The following EPC2 variants were observed in gnomAD, a reference collection of about 807,000 sequenced individuals.
EPC2 encodes the protein enhancer of polycomb 2.
A neutral mutation model predicts 92.1 loss-of-function variants in EPC2; 14 were observed. The observed-to-expected ratio is 0.15, with a 90% CI of 0.10 to 0.24. EPC2 has a LOEUF of 0.24. Ranked by LOEUF, EPC2 falls within the 10% of genes least tolerant of loss-of-function variation. The pLI is 1.00. For synonymous variants in EPC2, 340 were observed against 334.7 expected, an observed-to-expected ratio of 1.02 and a Z score of -0.17; for missense variants, 755 against 971.5, an observed-to-expected ratio of 0.78 and a Z score of 2.96.
At chr2:148,663,176 G>GGT (rs1680974376) in intron 1 of EPC2, among the ~76,000 whole-genome samples, 1 of 146,380 alleles carries the variant, frequency 6.8e-6, no homozygotes, top group African/African-American at 2.5e-5. Flanking sequence ...TGCCTCAAAA[G>GGT]GTATCTACTG....
intron 10 of EPC2, among the ~76,000 whole-genome samples, chr2:148,773,681 T>G (rs1683570381): frequency 1.3e-5 from 2 of 152,168 alleles, no homozygotes; most frequent in South Asian, 4.2e-4. Context: ...AAATACATAA[T>G]GAAAAAAGTT....
At chr2:148,716,177 A>T (rs796698002) in intron 2 of EPC2, among the ~76,000 whole-genome samples, 6 of 152,302 alleles carry the variant, frequency 3.9e-5, no homozygotes, top group African/African-American at 1.4e-4. Flanking sequence ...ACCAAAGATA[A>T]TTTTACTTCC....
intron 1 of EPC2, among the ~76,000 whole-genome samples, chr2:148,658,156 A>G (rs1022781877): frequency 4.6e-5 from 7 of 152,116 alleles, no homozygotes; most frequent in African/African-American, 1.2e-4. Context: ...TTGTGTATTT[A>G]AAATACATTG....
At position 148,743,715 on chromosome 2, in the gene EPC2, C is replaced by G. The variant is rs1041845057; in HGVS notation, c.407C>G (p.Pro136Arg). 6.2e-7 allele frequency: 1 copy of G among 1,605,068 alleles called. No individual in the cohort carries two copies. The highest frequency in any genetic ancestry group is 8.5e-7 in the Non-Finnish European group (1 of 1,176,272). Residue 136 changes from proline (P) to arginine (R), a missense_variant, in exon 3 of 14, where the codon CCT (proline) becomes CGT (arginine). By Grantham distance (103) the Pro-to-Arg change is moderately radical. Coordinates refer to ENST00000258484, the MANE Select transcript of EPC2 (RefSeq NM_015630.4). ...NRLNRKMEIK[P>R]LQFEIMIDRL... is the part of the protein sequence containing the mutation. The stretch of plus-strand genomic sequence containing the variant: ...CTTAACAGAAAGATGGAAATTAAGC[C>G]TTTGCAATTTGAAATTATGATTGAC...
At chr2:148,703,088 T>C (rs1342796963) in intron 2 of EPC2, among the ~76,000 whole-genome samples, 1 of 152,258 alleles carries the variant, frequency 6.6e-6, no homozygotes, top group Non-Finnish European at 1.5e-5. Flanking sequence ...CAGGATTTTA[T>C]TTGTTCATCT....
At chr2:148,771,005 GCT>G in intron 9 of EPC2, 37 bp from the exon 10 acceptor site, 1 of 1,594,244 alleles carries the variant, frequency 6.3e-7, no homozygotes, top group Non-Finnish European at 8.5e-7. Flanking sequence ...AACATGTTCA[GCT>G]CTCTCAGTTA....
chr2:148,756,078 T>A (rs1480929040), intron 4 of EPC2, among the ~76,000 whole-genome samples: 1 of 152,248 alleles, frequency 6.6e-6, no homozygotes, highest in East Asian at 1.9e-4. Flanking sequence ...TGTTAAAATA[T>A]GTTTTCTGCT....
chr2:148,694,669 A>G (rs1681708593), intron 2 of EPC2, among the ~76,000 whole-genome samples: 1 of 152,134 alleles, frequency 6.6e-6, no homozygotes, highest in South Asian at 2.1e-4. Context: ...TCTTTATTTG[A>G]TCTCCTATTA....
chr2:148,659,788 A>T (rs1234315332), intron 1 of EPC2, among the ~76,000 whole-genome samples: 1 of 152,138 alleles, frequency 6.6e-6, no homozygotes, highest in Non-Finnish European at 1.5e-5. Flanking sequence ...AAACAGTGGC[A>T]TAAATAAAAG....
intron 4 of EPC2, among the ~76,000 whole-genome samples, chr2:148,755,945 T>A (rs1488004417): frequency 6.6e-6 from 1 of 152,216 alleles, no homozygotes; most frequent in African/African-American, 2.4e-5. Context: ...TAATTTCAGA[T>A]ATATTGCAAA....
chr2:148,722,873 A>G (rs779197883), intron 2 of EPC2, among the ~76,000 whole-genome samples: 2 of 152,218 alleles, frequency 1.3e-5, no homozygotes, highest in African/African-American at 2.4e-5. Context: ...CTTTGCAGCA[A>G]CATGGATGGA....
chr2:148,761,976 T>C, intron 5 of EPC2, 46 bp downstream of exon 5: 1 of 1,505,128 alleles, frequency 6.6e-7, no homozygotes, highest in East Asian at 2.5e-5. Context: ...CTTTACCAAA[T>C]GATGGGCAAA....
chr2:148,720,989 T>C (rs1284729105), intron 2 of EPC2, among the ~76,000 whole-genome samples: 2 of 152,190 alleles, frequency 1.3e-5, no homozygotes, highest in African/African-American at 4.8e-5. Context: ...ATGCTATGTG[T>C]AAGTAAACTG....
At chr2:148,661,890 G>C (rs937109712) in intron 1 of EPC2, among the ~76,000 whole-genome samples, 7 of 151,950 alleles carry the variant, frequency 4.6e-5, no homozygotes, top group African/African-American at 1.7e-4. Context: ...ACACCATTTG[G>C]TAATGAGGTG....
At chr2:148,695,113 A>C (rs754577020) in intron 2 of EPC2, among the ~76,000 whole-genome samples, 3 of 152,200 alleles carry the variant, frequency 2.0e-5, no homozygotes, top group Non-Finnish European at 2.9e-5. Flanking sequence ...GTTAATTTGT[A>C]TCCAGTTTTG....
chr2:148,770,482 T>C (rs1271737177), intron 8 of EPC2, among the ~76,000 whole-genome samples: 1 of 152,210 alleles, frequency 6.6e-6, no homozygotes, highest in African/African-American at 2.4e-5. Context: ...CCATCTCTAC[T>C]TTGTACACAA....
intron 1 of EPC2, among the ~76,000 whole-genome samples, chr2:148,689,477 T>C (rs1046739915): frequency 2.0e-5 from 3 of 152,092 alleles, no homozygotes; most frequent in African/African-American, 4.8e-5. Flanking sequence ...CACCCAGCCA[T>C]TGAGTGATTT....
intron 2 of EPC2, among the ~76,000 whole-genome samples, chr2:148,743,298 T>C (rs1682916841): frequency 1.3e-5 from 2 of 152,200 alleles, no homozygotes; most frequent in African/African-American, 4.8e-5. Context: ...TTCTTAATTT[T>C]GGCAAAGTTT....
intron 1 of EPC2, among the ~76,000 whole-genome samples, chr2:148,653,950 G>GTT (rs34810067): frequency 0.011 from 1,415 of 131,738 alleles, 30 homozygotes; most frequent in African/African-American, 0.038. Flanking sequence ...TTTTTTTTTT[G>GTT]TTTTTTTTTT....
Sources: allele counts gnomAD v4.1 joint callset (sites outside exome capture counted in the v4.1 genomes callset), GRCh38; gene constraint gnomAD v4.1.1; transcripts MANE v1.5; gene names NCBI Gene and HGNC (gene_info 2026-07-23, HGNC 2026-07-21).